TBC1D4: variants seen among roughly 807,000 people sequenced by gnomAD.
The protein encoded by TBC1D4 is TBC (Tre-2, BUB2, CDC16) domain-containing protein.
A neutral mutation model predicts 142.5 loss-of-function variants in TBC1D4; 121 were observed. That is an observed-to-expected ratio of 0.85 (90% CI 0.73 to 0.99). TBC1D4 has a LOEUF of 0.99. Among genes scored for constraint, TBC1D4 ranks in the 50% least tolerant of loss-of-function variants. The pLI is 0.00. For missense variants in TBC1D4, 1,475 were observed against 1,606.6 expected, an observed-to-expected ratio of 0.92 and a Z score of 1.40; for synonymous variants, 630 against 628.2, an observed-to-expected ratio of 1.00 and a Z score of -0.04.
intron 9 of TBC1D4, 58 bp from the exon 10 acceptor site, chr13:75,326,481 C>T (rs1879277779): frequency 6.4e-7 from 1 of 1,562,604 alleles, no homozygotes; most frequent in East Asian, 2.3e-5. Context: ...GCAGACCTGC[C>T]AAAACACAGA....
chr13:75,472,771 GAAT>G (rs1414407569), intron 1 of TBC1D4, among the ~76,000 whole-genome samples: 2 of 152,144 alleles, frequency 1.3e-5, no homozygotes, highest in Non-Finnish European at 2.9e-5. Flanking sequence ...TTCCAACACA[GAAT>G]AATGAGGGAT....
chr13:75,480,805 G>A (rs988524472), intron 1 of TBC1D4, among the ~76,000 whole-genome samples: 5 of 152,216 alleles, frequency 3.3e-5, no homozygotes, highest in African/African-American at 4.8e-5. Context: ...ATTTGACTGC[G>A]ATTGAGAACT....
At chr13:75,346,024 T>C (rs1881118040) in intron 5 of TBC1D4, among the ~76,000 whole-genome samples, 1 of 152,226 alleles carries the variant, frequency 6.6e-6, no homozygotes, top group Non-Finnish European at 1.5e-5. Context: ...ACAGAACTAA[T>C]TTATTTTACA....
chr13:75,417,151 C>A (rs772898043), intron 1 of TBC1D4, among the ~76,000 whole-genome samples: 34 of 152,190 alleles, frequency 2.2e-4, no homozygotes, highest in African/African-American at 6.8e-4. Context: ...GACTCACACA[C>A]CACACCCTGT....
At chr13:75,381,727 G>C (rs1457595976) in intron 1 of TBC1D4, among the ~76,000 whole-genome samples, 2 of 152,202 alleles carry the variant, frequency 1.3e-5, no homozygotes, top group Non-Finnish European at 2.9e-5. Flanking sequence ...AGTGCAACCA[G>C]AACACCAGAG....
intron 8 of TBC1D4, among the ~76,000 whole-genome samples, chr13:75,336,356 C>T (rs2138055692): frequency 6.6e-6 from 1 of 151,696 alleles, no homozygotes; most frequent in South Asian, 2.1e-4. Flanking sequence ...GAGATCGCAC[C>T]ACTGCACTCC....
rs562639967 is a variant in TBC1D4 at position 75,419,638 on chromosome 13, T to G, written c.499-57031A>C. Among the ~76,000 whole-genome samples, 5 of 152,296 alleles carry G rather than the reference T, an allele frequency of 3.3e-5. No homozygotes were observed. The East Asian group carries it at 9.6e-4, about 29-fold the overall frequency. On this transcript the variant is annotated intron_variant, in intron 1 of 20. Coordinates refer to ENST00000377636, the MANE Select transcript of TBC1D4 (RefSeq NM_014832.5). ...CAGTAGTGTAAAGGTTTATAACAAT[T>G]TACATTCTTCCACAGAGGGAGGCTG...
At chr13:75,453,725 G>A (rs1887617945) in intron 1 of TBC1D4, among the ~76,000 whole-genome samples, 1 of 152,000 alleles carries the variant, frequency 6.6e-6, no homozygotes, top group Non-Finnish European at 1.5e-5. Context: ...AGCCAGGGGT[G>A]GTGGCATGTG....
At chr13:75,338,380 A>G (rs1183930909) in intron 7 of TBC1D4, among the ~76,000 whole-genome samples, 2 of 152,172 alleles carry the variant, frequency 1.3e-5, no homozygotes, top group African/African-American at 4.8e-5. Context: ...GCTTCCAGAT[A>G]AACAAATGTG....
chr13:75,351,666 G>GGT (rs1566413164), intron 4 of TBC1D4, among the ~76,000 whole-genome samples: 1 of 149,162 alleles, frequency 6.7e-6, no homozygotes, highest in African/African-American at 2.5e-5. Flanking sequence ...GAGAACATGC[G>GGT]GTGTTTGGTT....
At chr13:75,359,126 G>A (rs1206190840) in intron 3 of TBC1D4, among the ~76,000 whole-genome samples, 1 of 151,960 alleles carries the variant, frequency 6.6e-6, no homozygotes, top group Admixed American at 6.6e-5. Context: ...CCTTAGAGGT[G>A]CATTTTTTAA....
chr13:75,460,184 A>G (rs896893735), intron 1 of TBC1D4, among the ~76,000 whole-genome samples: 4 of 152,264 alleles, frequency 2.6e-5, no homozygotes, highest in African/African-American at 9.6e-5. Context: ...AATACATATT[A>G]GTCATTGTGT....
In TBC1D4 at chr13:75,422,273, A is replaced by C. The variant is rs572117943; in HGVS notation, c.498+58997T>G. 3.9e-5 allele frequency among the ~76,000 whole-genome samples: 6 copies of C among 152,290 alleles called. No homozygotes were observed. In the South Asian group the frequency reaches 1.2e-3, roughly 32 times the overall value. On this transcript the variant is annotated intron_variant, in intron 1 of 20. Transcript: ENST00000377636. ...ACAGTGTTAAGAAACTGGCTGTGAA[A>C]AAAAAAAATCAAAATAATTCAGGCC...
At chr13:75,367,584 T>C (rs964205538) in intron 1 of TBC1D4, among the ~76,000 whole-genome samples, 1 of 150,764 alleles carries the variant, frequency 6.6e-6, no homozygotes, top group Non-Finnish European at 1.5e-5. Flanking sequence ...AACTGCCTAA[T>C]GAGAAAGAAT....
intron 1 of TBC1D4, among the ~76,000 whole-genome samples, chr13:75,393,167 T>C (rs1330470184): frequency 6.6e-6 from 1 of 151,382 alleles, no homozygotes; most frequent in Non-Finnish European, 1.5e-5. Flanking sequence ...TCAGTCTTTG[T>C]TTGCTCTTAC....
At chr13:75,295,379 C>T (rs951624537) in intron 17 of TBC1D4, among the ~76,000 whole-genome samples, 1 of 152,084 alleles carries the variant, frequency 6.6e-6, no homozygotes, top group African/African-American at 2.4e-5. Flanking sequence ...CAGACTAATT[C>T]CAGAAAAGCC....
chr13:75,422,252 T>G (rs560082886), intron 1 of TBC1D4, among the ~76,000 whole-genome samples: 2 of 151,956 alleles, frequency 1.3e-5, no homozygotes, highest in Admixed American at 6.6e-5. Context: ...AAAAATACAG[T>G]GTTAAGAAAC....
intron 1 of TBC1D4, among the ~76,000 whole-genome samples, chr13:75,396,378 T>A (rs1468410973): frequency 6.6e-6 from 1 of 152,216 alleles, no homozygotes; most frequent in Non-Finnish European, 1.5e-5. Context: ...CAGATCTTGT[T>A]GACTATGTTT....
intron 1 of TBC1D4, among the ~76,000 whole-genome samples, chr13:75,372,443 T>C (rs1883270765): frequency 6.6e-6 from 1 of 152,090 alleles, no homozygotes. Flanking sequence ...CTAATTTTTG[T>C]ATTTTTAGTA....
Sources: allele counts gnomAD v4.1 joint callset (sites outside exome capture counted in the v4.1 genomes callset), GRCh38; gene constraint gnomAD v4.1.1; transcripts MANE v1.5; gene names NCBI Gene and HGNC (gene_info 2026-07-23, HGNC 2026-07-21).